TNIK: variants seen among roughly 807,000 people sequenced by gnomAD.
The protein encoded by TNIK is TRAF2 and NCK interacting kinase, also known as TRAF2 and NCK-interacting protein kinase.
In TNIK, 49 loss-of-function variants were observed where a neutral mutation model predicts 191.3. The observed-to-expected ratio is 0.26, with a 90% CI of 0.20 to 0.32. The LOEUF (loss-of-function observed/expected upper bound fraction) is 0.32. Ranked by LOEUF, TNIK falls within the 10% of genes least tolerant of loss-of-function variation. The pLI is 1.00. For synonymous variants in TNIK, 594 were observed against 600.9 expected (o/e 0.99, Z 0.17); for missense variants, 1,155 against 1,702.3 (o/e 0.68, Z 5.66).
chr3:171,353,889 A>T (rs1376451632), intron 2 of TNIK, among the ~76,000 whole-genome samples: 1 of 152,194 alleles, frequency 6.6e-6, no homozygotes, highest in Non-Finnish European at 1.5e-5. Flanking sequence ...GTACTTCTTC[A>T]GAGTTAATAT....
In TNIK at chr3:171,323,409, T is replaced by C. The variant is rs150773942; in HGVS notation, c.123+46211A>G. Among the ~76,000 whole-genome samples, 8 of 152,272 alleles carry C rather than the reference T, an allele frequency of 5.3e-5. No individual in the cohort carries two copies. The East Asian group carries it at 1.5e-3, about 29-fold the overall frequency. ...CTCTATCAGGCTTAAAAATTACTTG[T>C]AATGTATTGCCATAAGAGTGATTTG... On this transcript the variant is annotated intron_variant, in intron 2 of 32. Transcript: ENST00000436636.
chr3:171,110,787 G>T lies in TNIK; in HGVS notation c.2211C>A (p.Ser737Arg), dbSNP rs769915449. 1.2e-6 allele frequency: 2 copies of T among 1,603,984 alleles called. No homozygotes were observed. The highest frequency in any genetic ancestry group is 1.7e-6 in the Non-Finnish European group (2 of 1,175,596). Residue 737 changes from serine to arginine, a missense_variant, in exon 19 of 33, where the codon AGC (serine) becomes AGA (arginine). Physicochemically the swap from Ser to Arg is moderately radical, Grantham distance 110 (BLOSUM62 -1). Transcript: ENST00000436636. ...SGSSSSSSTP[S>R]SQPSSQGGSQ... The stretch of plus-strand genomic sequence containing the variant: ...AGCCTCCTTGGGAGCTGGGCTGGGA[G>T]CTAGGGGTGCTGGAGCTGGAGGAAC...
intron 1 of TNIK, among the ~76,000 whole-genome samples, chr3:171,445,959 TA>T (rs774714781): frequency 6.6e-6 from 1 of 152,300 alleles, no homozygotes; most frequent in Non-Finnish European, 1.5e-5. Context: ...GTAGCAACTG[TA>T]AGGATCAGTG....
Position 171,460,290 on chromosome 3 carries a change from G to A in TNIK, c.-227C>T. On this transcript the variant is annotated 5_prime_UTR_variant, in exon 1 of 33. Transcript: ENST00000436636. This position sits in a 1 kb window ranked among gnomAD's most constrained non-coding sequence, Gnocchi z 6.8. ...TGCGCGGATCTCCAAGCCCCGAGCA[G>A]CGGTGCGTGTGGGCTGAGCGCCCCG... 1.6e-6 allele frequency: 1 copy of A among 606,226 alleles called. No individual in the cohort carries two copies. The highest frequency in any genetic ancestry group is 2.8e-5 in the East Asian group (1 of 35,344). The allele number at this position is 606,226 out of a possible 1,614,324, so 37.6% of individuals were successfully genotyped here.
chr3:171,390,473 C>T (rs1257121537), intron 1 of TNIK, among the ~76,000 whole-genome samples: 1 of 152,200 alleles, frequency 6.6e-6, no homozygotes, highest in Non-Finnish European at 1.5e-5. Context: ...GTCATTCCCT[C>T]ATGGACTGAG....
At chr3:171,153,690 G>T (rs923197795) in intron 12 of TNIK, among the ~76,000 whole-genome samples, 2 of 152,158 alleles carry the variant, frequency 1.3e-5, no homozygotes, top group Non-Finnish European at 2.9e-5. Context: ...CACATCAATG[G>T]TTTCCCACTC....
intron 2 of TNIK, among the ~76,000 whole-genome samples, chr3:171,356,464 A>T (rs915361246): frequency 6.6e-6 from 1 of 152,244 alleles, no homozygotes; most frequent in Non-Finnish European, 1.5e-5. Flanking sequence ...TCACCAAGCC[A>T]TGAATCACCT....
At chr3:171,240,215 C>T (rs1744782082) in intron 2 of TNIK, among the ~76,000 whole-genome samples, 3 of 152,292 alleles carry the variant, frequency 2.0e-5, no homozygotes, top group Non-Finnish European at 4.4e-5. Flanking sequence ...AGCACAGCAT[C>T]TTGCTGACTC....
At chr3:171,297,586 T>C (rs755132898) in intron 2 of TNIK, among the ~76,000 whole-genome samples, 4 of 152,214 alleles carry the variant, frequency 2.6e-5, no homozygotes, top group Non-Finnish European at 5.9e-5. Flanking sequence ...CAACAAAATA[T>C]TGATGTCTCT....
chr3:171,397,613 A>G (rs1225971225), intron 1 of TNIK, among the ~76,000 whole-genome samples: 1 of 152,212 alleles, frequency 6.6e-6, no homozygotes, highest in Non-Finnish European at 1.5e-5. Flanking sequence ...CTTTGTATTG[A>G]CAATCGAACT....
At position 171,281,835 on chromosome 3, in the gene TNIK, G is replaced by C. The variant is rs975966060; in HGVS notation, c.124-53614C>G. On this transcript the variant is annotated intron_variant, in intron 2 of 32. Coordinates refer to ENST00000436636, the MANE Select transcript of TNIK (RefSeq NM_015028.4). ...TTTCCCAACCATTTGAATGAGCTTT[G>C]GAAGTGGATTTTTTACTTGAGCTTC... Among the ~76,000 whole-genome samples, 4 of 152,268 alleles carry C rather than the reference G, an allele frequency of 2.6e-5. No individual in the cohort carries two copies. The South Asian group carries it at 8.3e-4, about 32-fold the overall frequency.
intron 1 of TNIK, among the ~76,000 whole-genome samples, chr3:171,388,854 T>G (rs1023608145): frequency 1.3e-5 from 2 of 152,212 alleles, no homozygotes; most frequent in African/African-American, 2.4e-5. Context: ...AGTGCCTAAC[T>G]CCACCTCTAG....
At chr3:171,165,696 A>G (rs1734529204) in intron 10 of TNIK, among the ~76,000 whole-genome samples, 1 of 152,226 alleles carries the variant, frequency 6.6e-6, no homozygotes, top group Non-Finnish European at 1.5e-5. Context: ...AGAGGAAGGA[A>G]GCAAGAACAA....
chr3:171,264,036 GTATA>G (rs1190416740), intron 2 of TNIK, among the ~76,000 whole-genome samples: 1 of 147,952 alleles, frequency 6.8e-6, no homozygotes, highest in African/African-American at 2.5e-5. Flanking sequence ...GTGTGTGTGT[GTATA>G]TATATGTGTG....
intron 1 of TNIK, 87 bp downstream of exon 1, chr3:171,459,920 G>GGCCC: frequency 3.5e-6 from 4 of 1,157,382 alleles, no homozygotes; most frequent in Non-Finnish European, 2.5e-6. Context: ...CTGTCCCCCT[G>GGCCC]CCCCAGCCCC....
At chr3:171,456,672 A>G (rs1408005024) in intron 1 of TNIK, among the ~76,000 whole-genome samples, 1 of 152,190 alleles carries the variant, frequency 6.6e-6, no homozygotes, top group African/African-American at 2.4e-5. Flanking sequence ...GCTGGACAAG[A>G]TGAATTCCAA....
intron 2 of TNIK, among the ~76,000 whole-genome samples, chr3:171,274,405 C>G (rs781363291): frequency 1.3e-5 from 2 of 152,176 alleles, no homozygotes; most frequent in Non-Finnish European, 2.9e-5. Context: ...CTGGAAACCA[C>G]TTCAGAAGCA....
chr3:171,177,269 C>T, intron 8 of TNIK, 57 bp downstream of exon 8: 1 of 1,559,368 alleles, frequency 6.4e-7, no homozygotes, highest in Non-Finnish European at 8.7e-7. Flanking sequence ...GGCAAGGAAA[C>T]TTCAGTACCT....
At chr3:171,233,842 C>T (rs939629143) in intron 2 of TNIK, among the ~76,000 whole-genome samples, 3 of 152,324 alleles carry the variant, frequency 2.0e-5, no homozygotes, top group Middle Eastern at 6.8e-3. Context: ...CACATATCTA[C>T]ATCTGTTTCC....
Sources: gnomAD v4.1 joint callset for allele counts (sites outside exome capture counted in the v4.1 genomes callset) on GRCh38, gnomAD v4.1.1 for gene constraint, Gnocchi (gnomAD v3.1) non-coding constraint, MANE v1.5 for transcripts, NCBI Gene and HGNC (gene_info 2026-07-23, HGNC 2026-07-21) for gene names.